Variants in PCNX3 observed in about 807,000 individuals in gnomAD.
PCNX3 encodes the protein pecanex-like protein 3.
Under a neutral mutation model 207.2 loss-of-function variants are expected in PCNX3, and 58 were observed. The ratio of observed to expected loss-of-function variants is 0.28; its 90% CI spans 0.23 to 0.35. PCNX3 has a LOEUF of 0.35. Ranked by LOEUF, PCNX3 falls within the 10% of genes least tolerant of loss-of-function variation. The probability of loss-of-function intolerance (pLI) is 1.00; values close to 1 mark genes in which losing one functional copy is unlikely to be tolerated. For synonymous variants in PCNX3, 1,337 were observed against 1,183.5 expected, an observed-to-expected ratio of 1.13 and a Z score of -2.66; for missense variants, 2,410 against 2,774.4, an observed-to-expected ratio of 0.87 and a Z score of 2.95.
intron 27 of PCNX3, 36 bp from the exon 28 acceptor site, chr11:65,634,090 G>T: frequency 6.3e-7 from 1 of 1,574,914 alleles, no homozygotes. Flanking sequence ...GGCCAGGGCC[G>T]GGACCCCGGC....
intron 22 of PCNX3, 39 bp from the exon 23 acceptor site, chr11:65,628,556 C>A (rs772853163): frequency 6.3e-7 from 1 of 1,589,672 alleles, no homozygotes; most frequent in Non-Finnish European, 8.6e-7. Context: ...CATGAGTGAC[C>A]CTGCATGTCT....
chr11:65,634,310 C>T lies in PCNX3; in HGVS notation c.4655C>T (p.Ala1552Val). The change falls in exon 28 of 35, where the codon GCT becomes GTT. Residue 1552 changes from alanine to valine, a missense_variant. Physicochemically the swap from Ala to Val is moderately conservative, Grantham distance 64 (BLOSUM62 0). This residue lies in a region of PCNX3 where 420 missense variants were observed against 705.3 expected (regional missense o/e 0.60). Transcript: ENST00000355703. ...GGCCTCTCGCTGCCCTCCTTTTGTG[C>T]TGTGCACCTCGAGTGGATCCAGTAC... ...LSGLSLPSFCAVHLEWIQYCA... is the reference protein window; with the variant it reads ...LSGLSLPSFCVVHLEWIQYCA... 1.2e-6 allele frequency: 2 copies of T among 1,607,068 alleles called. No homozygotes were observed. Among genetic ancestry groups the T allele is most frequent in the Non-Finnish European group, 1.7e-6 (2 of 1,177,080 alleles).
At chr11:65,629,756 C>T (rs754627239) in intron 26 of PCNX3, 21 bp downstream of exon 26, 90 of 1,548,298 alleles carry the variant, frequency 5.8e-5, no homozygotes, top group South Asian at 4.5e-4. Context: ...GGACCAGGCT[C>T]GGGTGGGCAG....
intron 1 of PCNX3, 108 bp downstream of exon 1, chr11:65,616,572 G>A: frequency 7.5e-7 from 1 of 1,333,770 alleles, no homozygotes; most frequent in Non-Finnish European, 1.0e-6. Context: ...AGGAATCACT[G>A]CAGAGTTTGG....
intron 2 of PCNX3, 29 bp downstream of exon 2, chr11:65,617,040 T>C (rs1854773040): frequency 2.6e-6 from 4 of 1,567,136 alleles, no homozygotes; most frequent in Non-Finnish European, 3.5e-6. Flanking sequence ...GTGCTGGGGA[T>C]TGAGGGTTTT....
In PCNX3 at chr11:65,636,377, T is replaced by TA. The variant is rs764460621; in HGVS notation, c.5594-14_5594-13insA. The TA allele has an allele frequency of 2.5e-6, 4 of 1,580,436 alleles. No homozygotes were observed. The highest frequency in any genetic ancestry group is 3.4e-6 in the Non-Finnish European group (4 of 1,162,492). On this transcript the variant is annotated splice_polypyrimidine_tract_variant and intron_variant, in intron 33 of 34. Transcript: ENST00000355703. ...CCCAGCTGAGGCCTCTGCTGTCTTA[T>TA]CTGTCTCCTACAGGCAATGGTGACC...
Position 65,619,852 on chromosome 11 carries a change from G to A in PCNX3, c.1928G>A (p.Arg643Gln), listed in dbSNP as rs753600851. ...TTCGCCTCTTCACTGTTGCTCACCCGGGCCGGTGCCAATGTGCATGAGGCC... is the reference window on the plus strand; with the variant it reads ...TTCGCCTCTTCACTGTTGCTCACCCAGGCCGGTGCCAATGTGCATGAGGCC... ...LHFASSLLLT[R>Q]AGANVHEACT... Residue 643 changes from arginine (R) to glutamine (Q), a missense_variant, in exon 8 of 35, where the codon CGG (arginine) becomes CAG (glutamine). Arg to Gln is a conservative substitution (Grantham distance 43). Around this residue, in one of 8 missense-constraint regions of PCNX3, gnomAD observed 1,104 missense variants for 970.3 expected, o/e 1.14. Coordinates refer to ENST00000355703, the MANE Select transcript of PCNX3 (RefSeq NM_032223.4). 14 of 1,609,700 alleles carry A rather than the reference G, an allele frequency of 8.7e-6. No homozygotes were observed. In the Admixed American group the frequency reaches 1.7e-4, roughly 19 times the overall value.
At position 65,617,253 on chromosome 11, in the gene PCNX3, C is replaced by T. The variant is rs773538624; in HGVS notation, c.345C>T (p.Asp115=). 2.5e-6 allele frequency: 4 copies of T among 1,602,190 alleles called. No individual in the cohort carries two copies. Among genetic ancestry groups the T allele is most frequent in the African/African-American group, 1.3e-5 (1 of 74,640 alleles). ...TGCTGCTCTTTTTCACCGCCAGGGA[C>T]CCCGGAGTGGAGATGACAGTGTTCC... ...PAQGDSNPPR[D]PGVEMTVFRK... is the part of the protein sequence containing the mutation. The change falls in exon 3 of 35, where the codon GAC becomes GAT. Residue 115 remains aspartate, a synonymous_variant. Transcript: ENST00000355703.
chr11:65,631,796 T>G (rs899360974), intron 27 of PCNX3, among the ~76,000 whole-genome samples: 3 of 151,728 alleles, frequency 2.0e-5, no homozygotes, highest in African/African-American at 7.3e-5. Flanking sequence ...GCTCGGTGGG[T>G]GGCCTACTGG....
chr11:65,629,410 A>G lies in PCNX3; in HGVS notation c.3995A>G (p.Asn1332Ser). ...NTRLVTQLDR[N>S]PGADDNNLNS... is the part of the protein sequence containing the mutation. ...CGCCTGGTCACACAGCTGGACAGGA[A>G]CCCTGGTGTGTACCCAGCCATCCAA... The change falls in exon 25 of 35, where the codon AAC becomes AGC. Residue 1332 changes from asparagine (N) to serine (S), a missense_variant. Physicochemically the swap from Asn to Ser is conservative, Grantham distance 46. Around this residue, in one of 8 missense-constraint regions of PCNX3, gnomAD observed 420 missense variants for 705.3 expected, o/e 0.60. Transcript: ENST00000355703. 1 of 1,612,144 alleles carries G rather than the reference A, an allele frequency of 6.2e-7. No homozygotes were observed. Among genetic ancestry groups the G allele is most frequent in the Non-Finnish European group, 8.5e-7 (1 of 1,179,088 alleles).
At chr11:65,622,601 A>G (rs1055341932) in intron 11 of PCNX3, among the ~76,000 whole-genome samples, 1 of 152,086 alleles carries the variant, frequency 6.6e-6, no homozygotes, top group African/African-American at 2.4e-5. Context: ...TCCTGCTGAA[A>G]AAAACTTTTT....
In PCNX3 at chr11:65,623,506, G is replaced by A; in HGVS notation, c.2373G>A (p.Leu791=). The change falls in exon 12 of 35, where the codon CTG becomes CTA. Residue 791 remains leucine, a synonymous_variant. Transcript: ENST00000355703. ...GTCCCTGCAGGACGCGGGGAGTGCT[G>A]GAGAACATCTTCGGCGTGGGCCTGA... The part of the protein sequence containing the change: ...LALLDRTRGV[L]ENIFGVGLSS... 1 of 1,611,380 alleles carries A rather than the reference G, an allele frequency of 6.2e-7. No homozygotes were observed.
chr11:65,636,112 T>G (rs1855821630), intron 32 of PCNX3, 62 bp from the exon 33 acceptor site: 7 of 1,550,706 alleles, frequency 4.5e-6, no homozygotes, highest in Non-Finnish European at 6.1e-6. Flanking sequence ...GGACTCATGC[T>G]TGTGAGGCCT....
chr11:65,616,107 C>A lies in PCNX3; in HGVS notation c.-205C>A. The A allele has an allele frequency of 2.8e-6, 1 of 357,924 alleles. No individual in the cohort carries two copies. Among genetic ancestry groups the A allele is most frequent in the Non-Finnish European group, 5.0e-6 (1 of 201,872 alleles). 22.2% of individuals were successfully genotyped at this position (357,924 alleles called of 1,614,324 possible). On this transcript the variant is annotated 5_prime_UTR_variant, in exon 1 of 35. Coordinates refer to ENST00000355703, the MANE Select transcript of PCNX3 (RefSeq NM_032223.4). Reference sequence around the variant, plus strand: ...CCTGATGCAGCCCCACCCCCGCGTCCGGGCCTTGCACCACTGACTGTCCCG... The same window carrying A: ...CCTGATGCAGCCCCACCCCCGCGTCAGGGCCTTGCACCACTGACTGTCCCG...
intron 20 of PCNX3, 136 bp downstream of exon 20, chr11:65,626,190 C>T: frequency 8.1e-7 from 1 of 1,235,192 alleles, no homozygotes; most frequent in Non-Finnish European, 1.1e-6. Flanking sequence ...CTGCTCCCTC[C>T]CTGCCCTCTG....
In PCNX3 at chr11:65,635,835, C is replaced by A; in HGVS notation, c.5459+32C>A. On this transcript the variant is annotated intron_variant, in intron 32 of 34. Coordinates refer to ENST00000355703, the MANE Select transcript of PCNX3 (RefSeq NM_032223.4). The surrounding 1 kb of genome is among the most constrained non-coding windows in gnomAD (Gnocchi z 9.9). The stretch of plus-strand genomic sequence containing the variant: ...CCTCGGGAAGGGGTGACGTGTGGCG[C>A]GGGAGGAAGCTGAGGTGCAGTACGT... 1 of 1,580,968 alleles carries A rather than the reference C, an allele frequency of 6.3e-7. No individual in the cohort carries two copies.
Position 65,636,500 on chromosome 11 carries a change from G to A in PCNX3, c.5703G>A (p.Arg1901=). 1.9e-6 allele frequency: 3 copies of A among 1,579,276 alleles called. No individual in the cohort carries two copies. Among genetic ancestry groups the A allele is most frequent in the Non-Finnish European group, 2.6e-6 (3 of 1,164,396 alleles). ...CTCTGCTGCAGTGGCCTCCCCCTCG[G>A]CTCCCTGGACCACCCCCTGCATCGC... ...PPPLLQWPPP[R]LPGPPPASPI... is the part of the protein sequence containing the mutation. Residue 1901 remains arginine, a synonymous_variant, in exon 34 of 35, where the codon CGG becomes CGA. Transcript: ENST00000355703.
intron 27 of PCNX3, among the ~76,000 whole-genome samples, chr11:65,633,925 C>T (rs1031241117): frequency 3.3e-5 from 5 of 152,220 alleles, no homozygotes; most frequent in African/African-American, 7.2e-5. Context: ...TGCTTCCTGG[C>T]GGCTTTGTCA....
At position 65,624,347 on chromosome 11, in the gene PCNX3, T is replaced by C. The variant is rs1855268342; in HGVS notation, c.2697T>C (p.Cys899=). Residue 899 remains cysteine (C), a synonymous_variant, in exon 14 of 35, where the codon TGT becomes TGC. Transcript: ENST00000355703. ...LTLFSASFFF[C]ARDVATVFTL... Reference sequence around the variant, plus strand: ...TCTTCTCTGCCTCCTTCTTCTTCTGTGCCCGAGACGTGGCCACTGGTGAGG... The same window carrying C: ...TCTTCTCTGCCTCCTTCTTCTTCTGCGCCCGAGACGTGGCCACTGGTGAGG... 1 of 1,556,362 alleles carries C rather than the reference T, an allele frequency of 6.4e-7. No individual in the cohort carries two copies. The highest frequency in any genetic ancestry group is 8.7e-7 in the Non-Finnish European group (1 of 1,149,592).
Sources: gnomAD v4.1 joint callset for allele counts (sites outside exome capture counted in the v4.1 genomes callset) on GRCh38, gnomAD v4.1.1 for gene constraint, gnomAD v4.1.1 regional missense constraint, Gnocchi (gnomAD v3.1) non-coding constraint, MANE v1.5 for transcripts, NCBI Gene and HGNC (gene_info 2026-07-23, HGNC 2026-07-21) for gene names.